The following KLRK1 variants were observed in gnomAD, a reference collection of about 807,000 sequenced individuals.
KLRK1 encodes the protein NKG2-D type II integral membrane protein.
A neutral mutation model predicts 31.3 loss-of-function variants in KLRK1; 40 were observed. The ratio of observed to expected loss-of-function variants is 1.28; its 90% confidence interval spans 0.99 to 1.67. The LOEUF is 1.67. Among genes scored for constraint, KLRK1 ranks in the 40% most tolerant of loss-of-function variants. KLRK1 has a pLI of 0.00. For missense variants in KLRK1, 251 were observed against 260.0 expected, an observed-to-expected ratio of 0.97 and a Z score of 0.24; for synonymous variants, 77 against 77.3, an observed-to-expected ratio of 1.00 and a Z score of 0.02.
At chr12:10,386,564 G>A (rs1232153550) in intron 3 of KLRK1, among the ~76,000 whole-genome samples, 1 of 151,786 alleles carries the variant, frequency 6.6e-6, no homozygotes, top group African/African-American at 2.4e-5. Flanking sequence ...CTTCTATAAT[G>A]TTTAGGAACA....
intron 5 of KLRK1, 123 bp from the exon 6 acceptor site, chr12:10,378,828 T>C: frequency 8.3e-7 from 1 of 1,201,106 alleles, no homozygotes; most frequent in Non-Finnish European, 1.1e-6. Context: ...ATTATTACAG[T>C]CATAACCAAA....
chr12:10,374,663 G>A (rs1862930504), intron 7 of KLRK1, among the ~76,000 whole-genome samples: 1 of 152,196 alleles, frequency 6.6e-6, no homozygotes, highest in Non-Finnish European at 1.5e-5. Context: ...ACAGGCGTGA[G>A]CCACTGCACC....
At chr12:10,386,876 A>G (rs754479520) in intron 3 of KLRK1, 27 bp downstream of exon 3, 1 of 1,571,128 alleles carries the variant, frequency 6.4e-7, no homozygotes, top group Non-Finnish European at 8.7e-7. Context: ...ATATACTGAG[A>G]GTAGACAAAT....
intron 2 of KLRK1, 144 bp downstream of exon 2, chr12:10,388,627 G>C: frequency 1.1e-6 from 1 of 950,856 alleles, no homozygotes; most frequent in Non-Finnish European, 1.5e-6. Flanking sequence ...AATACAATAT[G>C]AACATAACAT....
intron 7 of KLRK1, among the ~76,000 whole-genome samples, chr12:10,375,213 T>C (rs959201726): frequency 6.6e-6 from 1 of 152,190 alleles, no homozygotes; most frequent in South Asian, 2.1e-4. Flanking sequence ...AGGTTGTGCA[T>C]TGATCATTGC....
chr12:10,380,048 TTGTTGTTA>T (rs1863041474), intron 3 of KLRK1, among the ~76,000 whole-genome samples: 4 of 145,446 alleles, frequency 2.8e-5, no homozygotes, highest in Non-Finnish European at 6.0e-5. Context: ...TTATGATTTT[TTGTTGTTA>T]TTGTTTTTTT....
In KLRK1 at chr12:10,379,699, C is replaced by T; in HGVS notation, c.241+1G>A. On this transcript the variant is annotated splice_donor_variant, in intron 4 of 7. Coordinates refer to ENST00000240618, the MANE Select transcript of KLRK1 (RefSeq NM_007360.4). LOFTEE classifies it high-confidence loss of function. Reference sequence around the variant, plus strand: ...CAATCTACTTCTCTGTTGTCACTTACAGTTTAGGAATACAGCACTCCATAT... The same window carrying T: ...CAATCTACTTCTCTGTTGTCACTTATAGTTTAGGAATACAGCACTCCATAT... 3.1e-6 allele frequency: 5 copies of T among 1,598,840 alleles called. No individual in the cohort carries two copies. The highest frequency in any genetic ancestry group is 1.2e-5 in the South Asian group (1 of 86,536).
In KLRK1 at chr12:10,383,894, TAAAC is replaced by T. The variant is rs564581813; in HGVS notation, c.148+3005_148+3008del. On this transcript the variant is annotated intron_variant, in intron 3 of 7. Coordinates refer to ENST00000240618, the MANE Select transcript of KLRK1 (RefSeq NM_007360.4). ...ATTAAACAACATGCCTTTGAACAAA[TAAAC>T]AAATTCAGTAAAGTTTCAGGATCAA... Among the ~76,000 whole-genome samples, 110 of 152,116 alleles carry T rather than the reference TAAAC, an allele frequency of 7.2e-4. 1 individual carries two copies. Among genetic ancestry groups the T allele is most frequent in the East Asian group, 3.3e-3 (17 of 5,186 alleles).
At chr12:10,380,059 GTTTTTTTTTTTTTTT>G (rs1162094591) in intron 3 of KLRK1, among the ~76,000 whole-genome samples, 2 of 83,770 alleles carry the variant, frequency 2.4e-5, no homozygotes, top group East Asian at 7.2e-4. Flanking sequence ...TGTTGTTATT[GTTTTTTTTTTTTTTT>G]TTTTTTTTTG....
At chr12:10,377,323 G>A (rs1013074637) in intron 7 of KLRK1, among the ~76,000 whole-genome samples, 6 of 152,040 alleles carry the variant, frequency 3.9e-5, no homozygotes, top group African/African-American at 1.4e-4. Flanking sequence ...TTTATGTTAA[G>A]GGAAAGAAAG....
intron 3 of KLRK1, among the ~76,000 whole-genome samples, chr12:10,383,224 C>CA (rs993764978): frequency 2.2e-4 from 33 of 151,410 alleles, no homozygotes; most frequent in Admixed American, 7.9e-4. Context: ...GGATTAAAAA[C>CA]AAAAAAAACC....
intron 3 of KLRK1, among the ~76,000 whole-genome samples, chr12:10,383,173 G>A (rs939606737): frequency 6.6e-6 from 1 of 151,864 alleles, no homozygotes; most frequent in African/African-American, 2.4e-5. Flanking sequence ...TAAATGCAAG[G>A]GGGCTAAATT....
At chr12:10,379,532 A>G in intron 4 of KLRK1, 50 bp from the exon 5 acceptor site, 5 of 1,342,754 alleles carry the variant, frequency 3.7e-6, no homozygotes, top group Non-Finnish European at 5.1e-6. Flanking sequence ...AGTAACTTAT[A>G]GTATAAGCAA....
In KLRK1 at chr12:10,378,685, G is replaced by A. The variant is rs1286568013; in HGVS notation, c.298C>T (p.Pro100Ser). 3.7e-6 allele frequency: 6 copies of A among 1,603,256 alleles called. 1 individual carries two copies. In the East Asian group the frequency reaches 6.7e-5, roughly 18 times the overall value. ...TTTTTGTAACATATCCAGTTTTTAG[G>A]ACATGGGCCACAGTAACTTTCTGGA... ...PLTESYCGPC[P>S]KNWICYKNNC... is the part of the protein sequence containing the mutation. Residue 100 changes from proline (P) to serine (S), a missense_variant, in exon 6 of 8, where the codon CCT becomes TCT. Physicochemically the swap from Pro to Ser is moderately conservative, Grantham distance 74. Coordinates refer to ENST00000240618, the MANE Select transcript of KLRK1 (RefSeq NM_007360.4).
chr12:10,387,827 T>C (rs1022404672), intron 2 of KLRK1, among the ~76,000 whole-genome samples: 6 of 152,158 alleles, frequency 3.9e-5, no homozygotes, highest in Admixed American at 2.0e-4. Context: ...ATTATAGGCA[T>C]GAGCCACTGT....
At chr12:10,375,621 C>G (rs766745039) in intron 7 of KLRK1, among the ~76,000 whole-genome samples, 4 of 152,094 alleles carry the variant, frequency 2.6e-5, no homozygotes, top group Non-Finnish European at 5.9e-5. Flanking sequence ...TATTTACAAT[C>G]TAGAGGACTT....
intron 3 of KLRK1, among the ~76,000 whole-genome samples, chr12:10,383,648 T>C (rs1600127): frequency 0.75 from 113,478 of 151,934 alleles, 43,243 homozygotes; most frequent in South Asian, 0.88. Context: ...ATAGACCTAA[T>C]GAACCTAACT....
chr12:10,376,466 A>AAAAT (rs1862968060), intron 7 of KLRK1, among the ~76,000 whole-genome samples: 1 of 152,230 alleles, frequency 6.6e-6, no homozygotes, highest in South Asian at 2.1e-4. Flanking sequence ...AAGACAATTT[A>AAAAT]GAAACTATTT....
chr12:10,387,575 C>CT lies in KLRK1; in HGVS notation c.41-566dup, dbSNP rs778380250. On this transcript the variant is annotated intron_variant, in intron 2 of 7. Transcript: ENST00000240618. Reference sequence around the variant, plus strand: ...GCAGTGTGTCTAATTTTCTTCTTTTCTTTTTTTTTTTTTGAGATGGAGTGC... The same window carrying CT: ...GCAGTGTGTCTAATTTTCTTCTTTTCTTTTTTTTTTTTTTGAGATGGAGTGC... Among the ~76,000 whole-genome samples the CT allele has an allele frequency of 5.2e-3, 743 of 142,778 alleles. 2 individuals carry two copies. The highest frequency in any genetic ancestry group is 0.015 in the Middle Eastern group (4 of 270). 93.7% of individuals were successfully genotyped at this position (142,778 alleles called of 152,430 possible). A position where few individuals can be genotyped will look rare whatever the true frequency, so the allele number is the denominator to read the frequency against.
Sources: gnomAD v4.1 joint callset for allele counts (sites outside exome capture counted in the v4.1 genomes callset) on GRCh38, gnomAD v4.1.1 for gene constraint, MANE v1.5 for transcripts, NCBI Gene and HGNC (gene_info 2026-07-23, HGNC 2026-07-21) for gene names.